Variants in YEATS2 observed in about 807,000 individuals in gnomAD.
YEATS2 encodes YEATS domain-containing protein 2.
A neutral mutation model predicts 163.2 loss-of-function variants in YEATS2; 77 were observed. The observed-to-expected ratio is 0.47, with a 90% CI of 0.39 to 0.57. The LOEUF is 0.57. YEATS2 is among the 20% of genes least tolerant of loss of function. The probability of loss-of-function intolerance (pLI) is 0.00; values close to 1 mark genes in which losing one functional copy is unlikely to be tolerated. For synonymous variants in YEATS2, 631 were observed against 645.1 expected, an observed-to-expected ratio of 0.98 and a Z score of 0.33; for missense variants, 1,549 against 1,729.8, an observed-to-expected ratio of 0.90 and a Z score of 1.85.
chr3:183,810,488 A>G lies in YEATS2; in HGVS notation c.4174A>G (p.Ile1392Val), dbSNP rs1203931551. Residue 1392 changes from isoleucine to valine, a missense_variant, in exon 31 of 31, where the codon ATT becomes GTT. Ile to Val is a conservative substitution (Grantham distance 29). Transcript: ENST00000305135. ...TASHNRIPKE[I>V]TVSNIHQAIC... is the part of the protein sequence containing the mutation. ...TTTTTGGACCAGGATTCCCAAAGAA[A>G]TTACAGTGAGTAATATTCACCAGGC... is the stretch of plus-strand genomic sequence containing the variant. 6.2e-7 allele frequency: 1 copy of G among 1,614,078 alleles called. No homozygotes were observed. The highest frequency in any genetic ancestry group is 8.5e-7 in the Non-Finnish European group (1 of 1,179,956).
chr3:183,745,187 C>G (rs145299879), intron 8 of YEATS2, among the ~76,000 whole-genome samples: 7 of 152,318 alleles, frequency 4.6e-5, no homozygotes, highest in Non-Finnish European at 1.0e-4. Flanking sequence ...TTTGCTGTCT[C>G]CTGATAGGCT....
At chr3:183,717,134 C>A (rs1040175651) in intron 2 of YEATS2, among the ~76,000 whole-genome samples, 1 of 152,038 alleles carries the variant, frequency 6.6e-6, no homozygotes, top group African/African-American at 2.4e-5. Context: ...CTCAGGTAAT[C>A]CACCTGTCTG....
chr3:183,719,155 T>C (rs1716231273), intron 4 of YEATS2, among the ~76,000 whole-genome samples: 1 of 137,904 alleles, frequency 7.3e-6, no homozygotes, highest in South Asian at 2.1e-4. Flanking sequence ...ATTTTTTCCT[T>C]TTTTTTTTTT....
At chr3:183,747,808 T>C in intron 9 of YEATS2, 92 bp downstream of exon 9, 1 of 1,227,674 alleles carries the variant, frequency 8.1e-7, no homozygotes, top group African/African-American at 1.5e-5. Flanking sequence ...AGACGGGGTC[T>C]TCGCTCTGTC....
Position 183,797,538 on chromosome 3 carries a change from C to CT in YEATS2, c.3098-384dup, listed in dbSNP as rs562357850. Among the ~76,000 whole-genome samples the CT allele has an allele frequency of 5.7e-3, 530 of 92,914 alleles. 4 individuals are homozygous for CT. Among genetic ancestry groups the CT allele is most frequent in the African/African-American group, 0.022 (507 of 22,906 alleles). The allele number at this position is 92,914 out of a possible 152,430, so 61.0% of individuals were successfully genotyped here. ...TTTCAACCTGGGCAACAGCCTGTCT[C>CT]TAACACAATAAATAAATAAATAAAT... On this transcript the variant is annotated intron_variant, in intron 21 of 30. Transcript: ENST00000305135.
intron 4 of YEATS2, among the ~76,000 whole-genome samples, chr3:183,719,723 G>A (rs2109048764): frequency 6.6e-6 from 1 of 151,902 alleles, no homozygotes; most frequent in South Asian, 2.1e-4. Flanking sequence ...GGAATGCAGT[G>A]GCTATTCACA....
chr3:183,797,510 G>A (rs936259802), intron 21 of YEATS2, among the ~76,000 whole-genome samples: 12 of 151,252 alleles, frequency 7.9e-5, no homozygotes, highest in African/African-American at 2.9e-4. Flanking sequence ...GTACCACTGC[G>A]CTTTTCAACC....
chr3:183,758,989 C>T (rs779389228), intron 13 of YEATS2, 24 bp downstream of exon 13: 12 of 1,391,782 alleles, frequency 8.6e-6, no homozygotes, highest in African/African-American at 1.5e-5. Context: ...TGCGTTATTA[C>T]ACTTTGCTAG....
intron 20 of YEATS2, among the ~76,000 whole-genome samples, chr3:183,789,224 C>T (rs1223876378): frequency 6.6e-6 from 1 of 152,080 alleles, no homozygotes; most frequent in African/African-American, 2.4e-5. Flanking sequence ...GAGAGTTTCC[C>T]TAATGTTTTC....
chr3:183,758,093 C>T (rs963377969), intron 12 of YEATS2, among the ~76,000 whole-genome samples: 1 of 152,144 alleles, frequency 6.6e-6, no homozygotes, highest in South Asian at 2.1e-4. Flanking sequence ...CGTGGTGGCT[C>T]ATGCCCATAA....
intron 1 of YEATS2, among the ~76,000 whole-genome samples, 196 bp from the exon 2 acceptor site, chr3:183,714,948 C>T (rs535685112): frequency 3.3e-4 from 50 of 151,212 alleles, no homozygotes; most frequent in African/African-American, 1.2e-3. Context: ...TAAACTTAGG[C>T]TTTTGGCCTT....
At chr3:183,778,562 G>A (rs1394772956) in intron 19 of YEATS2, among the ~76,000 whole-genome samples, 3 of 152,114 alleles carry the variant, frequency 2.0e-5, no homozygotes, top group Admixed American at 2.0e-4. Context: ...CTCCATGTTG[G>A]TCAGGCTGGT....
rs140881198 is a variant in YEATS2, at chr3:183,735,001, T to C, written c.813-1717T>C. ...GTTGTTGTAGGTCTTAGATTCTTTT[T>C]TTGCTTCTAAAAATATGGTTATGGA... On this transcript the variant is annotated intron_variant, in intron 7 of 30. Coordinates refer to ENST00000305135, the MANE Select transcript of YEATS2 (RefSeq NM_018023.5). Among the ~76,000 whole-genome samples the C allele has an allele frequency of 7.2e-4, 110 of 152,320 alleles. 1 individual carries two copies. Among genetic ancestry groups the C allele is most frequent in the African/African-American group, 2.5e-3 (102 of 41,570 alleles).
intron 23 of YEATS2, 48 bp from the exon 24 acceptor site, chr3:183,800,418 C>G: frequency 7.0e-7 from 1 of 1,419,570 alleles, no homozygotes; most frequent in African/African-American, 1.4e-5. Flanking sequence ...ACGTGTCCTT[C>G]CACCACTGAC....
intron 10 of YEATS2, among the ~76,000 whole-genome samples, chr3:183,752,477 A>G (rs919477718): frequency 1.3e-5 from 2 of 152,138 alleles, no homozygotes; most frequent in Non-Finnish European, 2.9e-5. Context: ...TGGGAGGCCA[A>G]GGCGGGTGGA....
chr3:183,729,778 T>TTCAGGTTCAAGCGATTCTTCTGCC (rs1717524715), intron 7 of YEATS2, among the ~76,000 whole-genome samples: 1 of 151,822 alleles, frequency 6.6e-6, no homozygotes. Flanking sequence ...CAACCTCTGC[T>TTCAGGTTCAAGCGATTCTTCTGCC]TCAGGTTCAA....
At chr3:183,782,923 T>G (rs1723718554) in intron 19 of YEATS2, among the ~76,000 whole-genome samples, 2 of 152,192 alleles carry the variant, frequency 1.3e-5, no homozygotes, top group Non-Finnish European at 1.5e-5. Flanking sequence ...AGTAAAATGG[T>G]TGTACTGTTT....
At chr3:183,706,656 A>C (rs996693816) in intron 1 of YEATS2, among the ~76,000 whole-genome samples, 9 of 152,192 alleles carry the variant, frequency 5.9e-5, no homozygotes, top group Non-Finnish European at 1.2e-4. Context: ...GTCTCTACTA[A>C]AAATACAAAA....
intron 23 of YEATS2, 136 bp downstream of exon 23, chr3:183,799,125 G>A: frequency 4.1e-6 from 3 of 726,278 alleles, no homozygotes; most frequent in South Asian, 3.3e-5. Flanking sequence ...CAGCATTTGT[G>A]AATCAGTCAC....
Sources: allele counts gnomAD v4.1 joint callset (sites outside exome capture counted in the v4.1 genomes callset), GRCh38; gene constraint gnomAD v4.1.1; transcripts MANE v1.5; gene names NCBI Gene and HGNC (gene_info 2026-07-23, HGNC 2026-07-21).